The following RPIA variants were observed in gnomAD, a reference collection of about 807,000 sequenced individuals.
RPIA encodes the protein ribose 5-phosphate isomerase A.
In RPIA, 29 loss-of-function variants were observed where a neutral mutation model predicts 37.8. The observed-to-expected ratio is 0.77, with a 90% CI of 0.57 to 1.05. The LOEUF is 1.05. Ranked by LOEUF, RPIA falls within the 50% of genes least tolerant of loss-of-function variation. RPIA has a pLI of 0.00. For missense variants in RPIA, 385 were observed against 413.6 expected, an observed-to-expected ratio of 0.93 and a Z score of 0.60; for synonymous variants, 167 against 157.0, an observed-to-expected ratio of 1.06 and a Z score of -0.48.
rs771233693 is a variant in RPIA at position 88,691,779 on chromosome 2, C to G, written c.81C>G (p.Ser27=). The G allele has an allele frequency of 1.3e-6, 2 of 1,592,380 alleles. No individual in the cohort carries two copies. The highest frequency in any genetic ancestry group is 2.7e-5 in the African/African-American group (2 of 74,776). ...PLPGRAGGAA[S]GGGGNSWDLP... The stretch of plus-strand genomic sequence containing the variant: ...CCGGGAGGGCCGGGGGCGCGGCCTC[C>G]GGCGGAGGAGGGAACAGCTGGGACC... Residue 27 remains serine, a synonymous_variant, in exon 1 of 9, where the codon TCC becomes TCG. Transcript: ENST00000283646.
intron 3 of RPIA, among the ~76,000 whole-genome samples, chr2:88,728,860 C>T (rs547408875): frequency 1.5e-5 from 2 of 134,778 alleles, no homozygotes; most frequent in South Asian, 2.1e-4. Context: ...GGAAACCACT[C>T]CGTGTCCATT....
intron 3 of RPIA, among the ~76,000 whole-genome samples, chr2:88,728,203 A>G (rs555960621): frequency 2.0e-3 from 310 of 152,282 alleles, no homozygotes; most frequent in Non-Finnish European, 3.2e-3. Context: ...CTGGGGTTCA[A>G]AGTTTTTTTA....
At chr2:88,700,689 A>G (rs758495647) in intron 3 of RPIA, among the ~76,000 whole-genome samples, 1 of 152,206 alleles carries the variant, frequency 6.6e-6, no homozygotes, top group Non-Finnish European at 1.5e-5. Context: ...GAATTAAGCA[A>G]TGTGTTGGTA....
rs548178264 is a variant in RPIA, at chr2:88,695,495, G to A, written c.286-2989G>A. ...GAAGTCTTCTGTGTTGATGATTGTT[G>A]TGGTGTGAGAGCAGAGGAAAAAGTT... is the stretch of plus-strand genomic sequence containing the variant. On this transcript the variant is annotated intron_variant, in intron 1 of 8. Transcript: ENST00000283646. Among the ~76,000 whole-genome samples, 3 of 152,318 alleles carry A rather than the reference G, an allele frequency of 2.0e-5. No individual in the cohort carries two copies. In the East Asian group the frequency reaches 5.8e-4, roughly 29 times the overall value.
intron 3 of RPIA, among the ~76,000 whole-genome samples, chr2:88,701,387 A>G (rs1003573478): frequency 2.0e-5 from 3 of 149,226 alleles, no homozygotes; most frequent in African/African-American, 7.4e-5. Context: ...AAGTATTTTT[A>G]TTTCTTAGTT....
chr2:88,724,320 T>G (rs146937275), intron 3 of RPIA, among the ~76,000 whole-genome samples: 9,369 of 152,192 alleles, frequency 0.062, 516 homozygotes, highest in African/African-American at 0.14. Flanking sequence ...TGTTTTGTTT[T>G]TTTTGAGACA....
intron 8 of RPIA, 149 bp downstream of exon 8, chr2:88,738,225 A>G: frequency 1.5e-6 from 1 of 681,068 alleles, no homozygotes; most frequent in Non-Finnish European, 2.7e-6. Context: ...TGGGTTTTTA[A>G]CTTCACCTCC....
At chr2:88,747,563 T>C (rs1291444473) in intron 8 of RPIA, among the ~76,000 whole-genome samples, 2 of 152,194 alleles carry the variant, frequency 1.3e-5, no homozygotes, top group Non-Finnish European at 2.9e-5. Context: ...GCTGCCTTTT[T>C]TTCCCGAAGG....
rs544734598 is a variant in RPIA at position 88,722,453 on chromosome 2, T to TGATAGTCATTATTTAAA, written c.403-6823_403-6807dup. 3.9e-3 allele frequency among the ~76,000 whole-genome samples: 601 copies of TGATAGTCATTATTTAAA among 152,334 alleles called. 3 individuals are homozygous for TGATAGTCATTATTTAAA. Among genetic ancestry groups the TGATAGTCATTATTTAAA allele is most frequent in the African/African-American group, 0.013 (561 of 41,572 alleles). ...TTGTTTAGATTATTTATGAAAAGTT[T>TGATAGTCATTATTTAAA]GATAGTCATTATTTAAAGTTATGAA... On this transcript the variant is annotated intron_variant, in intron 3 of 8. Coordinates refer to ENST00000283646, the MANE Select transcript of RPIA (RefSeq NM_144563.3).
rs374399855 is a variant in RPIA at position 88,721,919 on chromosome 2, A to G, written c.403-7359A>G. 6.0e-5 allele frequency among the ~76,000 whole-genome samples: 9 copies of G among 151,218 alleles called. No individual in the cohort carries two copies. The East Asian group carries it at 9.7e-4, about 16-fold the overall frequency. Reference sequence around the variant, plus strand: ...TGGTTTTTTTTAAATATCAAACCCAATCTCCAGAAAGACCATTATAATTTG... The same window carrying G: ...TGGTTTTTTTTAAATATCAAACCCAGTCTCCAGAAAGACCATTATAATTTG... On this transcript the variant is annotated intron_variant, in intron 3 of 8. Coordinates refer to ENST00000283646, the MANE Select transcript of RPIA (RefSeq NM_144563.3).
intron 3 of RPIA, among the ~76,000 whole-genome samples, chr2:88,721,727 ATAT>A (rs1269995438): frequency 6.7e-6 from 1 of 149,232 alleles, no homozygotes; most frequent in East Asian, 1.9e-4. Context: ...GAGTTCATAT[ATAT>A]TATATAATTA....
Position 88,736,644 on chromosome 2 carries a change from G to T in RPIA, c.706G>T (p.Val236Leu). Reference sequence around the variant, plus strand: ...AGCTGTGAGCCAGAAGTTTGGGGGCGTGGTTGAACTTCGAATGGCTGTCAA... The same window carrying T: ...AGCTGTGAGCCAGAAGTTTGGGGGCTTGGTTGAACTTCGAATGGCTGTCAA... Reference protein sequence around the residue: ...SRAVSQKFGGVVELRMAVNKA... With the variant: ...SRAVSQKFGGLVELRMAVNKA... The change falls in exon 7 of 9, where the codon GTG (valine) becomes TTG (leucine). Residue 236 changes from valine (V) to leucine (L), a missense_variant. Val to Leu is a conservative substitution (Grantham distance 32). Transcript: ENST00000283646. The T allele has an allele frequency of 6.2e-7, 1 of 1,613,888 alleles. No homozygotes were observed.
chr2:88,715,767 A>G (rs548592588), intron 3 of RPIA, among the ~76,000 whole-genome samples: 43 of 152,282 alleles, frequency 2.8e-4, no homozygotes, highest in African/African-American at 1.0e-3. Context: ...ACCGTTGTCC[A>G]TCAGTGTTCC....
Position 88,733,882 on chromosome 2 carries a change from C to T in RPIA, c.463-670C>T, listed in dbSNP as rs547666468. Among the ~76,000 whole-genome samples, 248 of 152,228 alleles carry T rather than the reference C, an allele frequency of 1.6e-3. 2 individuals are homozygous for T. Among genetic ancestry groups the T allele is most frequent in the African/African-American group, 5.5e-3 (229 of 41,550 alleles). On this transcript the variant is annotated intron_variant, in intron 4 of 8. Coordinates refer to ENST00000283646, the MANE Select transcript of RPIA (RefSeq NM_144563.3). ...TTAAAAGCTAGATGAACCCATTTGC[C>T]CCTCAACTGCTTTTGGGGCTTGTGG...
At chr2:88,721,558 CACACACACACA>C (rs1558694712) in intron 3 of RPIA, among the ~76,000 whole-genome samples, 5 of 66,178 alleles carry the variant, frequency 7.6e-5, no homozygotes, top group African/African-American at 2.6e-4. Flanking sequence ...CACACACACA[CACACACACACA>C]CACCCCCCCC....
At chr2:88,734,483 G>T in intron 4 of RPIA, 69 bp from the exon 5 acceptor site, 1 of 1,432,012 alleles carries the variant, frequency 7.0e-7, no homozygotes, top group South Asian at 1.1e-5. Flanking sequence ...ATGAGCTATC[G>T]CATGCTCAGG....
intron 5 of RPIA, 58 bp from the exon 6 acceptor site, chr2:88,735,611 T>G (rs746325126): frequency 8.7e-6 from 13 of 1,488,186 alleles, no homozygotes; most frequent in Non-Finnish European, 1.0e-5. Context: ...TATTTAACCT[T>G]AGTTCCCAAA....
At chr2:88,703,783 C>T (rs1672863955) in intron 3 of RPIA, among the ~76,000 whole-genome samples, 1 of 152,214 alleles carries the variant, frequency 6.6e-6, no homozygotes, top group Non-Finnish European at 1.5e-5. Context: ...TTGAATTTCT[C>T]CTCAGAAAAT....
At chr2:88,697,127 A>AT (rs1305371875) in intron 1 of RPIA, among the ~76,000 whole-genome samples, 4 of 152,362 alleles carry the variant, frequency 2.6e-5, no homozygotes, top group African/African-American at 9.6e-5. Flanking sequence ...GTGTATCTCT[A>AT]TACAGTCGTC....
Sources: gnomAD v4.1 joint callset for allele counts (sites outside exome capture counted in the v4.1 genomes callset) on GRCh38, gnomAD v4.1.1 for gene constraint, MANE v1.5 for transcripts, NCBI Gene and HGNC (gene_info 2026-07-23, HGNC 2026-07-21) for gene names.